Variants in NRXN1 observed in about 807,000 individuals in gnomAD.
NRXN1 encodes the protein neurexin-1.
NRXN1 carries 39 observed loss-of-function variants against 150.9 expected under a neutral mutation model. The ratio of observed to expected loss-of-function variants is 0.26; its 90% CI spans 0.20 to 0.34. NRXN1 has a LOEUF of 0.34. NRXN1 is among the 10% of genes least tolerant of loss of function. NRXN1 has a pLI of 1.00. For missense variants in NRXN1, 1,815 were observed against 1,949.9 expected (o/e 0.93, Z 1.30); for synonymous variants, 924 against 757.0 (o/e 1.22, Z -3.62).
chr2:50,409,870 T>C (rs890268300), intron 17 of NRXN1, among the ~76,000 whole-genome samples: 3 of 152,194 alleles, frequency 2.0e-5, no homozygotes, highest in African/African-American at 4.8e-5. Context: ...GTAACTGATT[T>C]TATTATACTC....
chr2:50,776,122 T>G (rs1308790727), intron 5 of NRXN1, among the ~76,000 whole-genome samples: 1 of 152,126 alleles, frequency 6.6e-6, no homozygotes, highest in Non-Finnish European at 1.5e-5. Context: ...CCTTCACATT[T>G]CAGCTTGTGT....
chr2:50,980,556 G>A (rs976036209), intron 2 of NRXN1, among the ~76,000 whole-genome samples: 1 of 152,062 alleles, frequency 6.6e-6, no homozygotes, highest in Non-Finnish European at 1.5e-5. Flanking sequence ...GATAGTTTAT[G>A]AAGGTAATAA....
chr2:51,008,744 T>A (rs777502559), intron 2 of NRXN1, among the ~76,000 whole-genome samples: 15 of 151,610 alleles, frequency 9.9e-5, no homozygotes, highest in Non-Finnish European at 1.9e-4. Context: ...TAAATATAAA[T>A]TTATAATTTA....
chr2:50,296,968 C>T (rs1042405252), intron 17 of NRXN1, among the ~76,000 whole-genome samples: 11 of 150,738 alleles, frequency 7.3e-5, no homozygotes, highest in South Asian at 2.1e-4. Context: ...CTGCAACCTC[C>T]GTCTCCCGGG....
rs1051034395 is a variant in NRXN1, at chr2:50,953,063, G to A, written c.773-27108C>T. 2.6e-5 allele frequency among the ~76,000 whole-genome samples: 4 copies of A among 152,166 alleles called. No homozygotes were observed. The East Asian group carries it at 5.8e-4, about 22-fold the overall frequency. ...GTCACCCTGGCAAGAAAGGGCAGGT[G>A]AATGGGAGACTGAATGGGAGATTTA... On this transcript the variant is annotated intron_variant, in intron 2 of 22. Transcript: ENST00000401669.
chr2:50,992,747 T>A (rs933883468), intron 2 of NRXN1, among the ~76,000 whole-genome samples: 1 of 152,022 alleles, frequency 6.6e-6, no homozygotes, highest in African/African-American at 2.4e-5. Context: ...TCACTCTTTT[T>A]TTCACATGGC....
At chr2:50,103,401 T>G (rs908463443) in intron 18 of NRXN1, among the ~76,000 whole-genome samples, 4 of 152,020 alleles carry the variant, frequency 2.6e-5, no homozygotes, top group Non-Finnish European at 4.4e-5. Flanking sequence ...CTTAAATTGG[T>G]AGAAGAATGC....
intron 22 of NRXN1, among the ~76,000 whole-genome samples, chr2:49,926,693 A>G (rs955839928): frequency 1.3e-5 from 2 of 152,234 alleles, no homozygotes; most frequent in Non-Finnish European, 2.9e-5. Context: ...TCTTTTGCTG[A>G]GATAGTTATT....
intron 15 of NRXN1, 65 bp downstream of exon 15, chr2:50,495,840 G>C: frequency 7.1e-7 from 1 of 1,418,016 alleles, no homozygotes; most frequent in Non-Finnish European, 9.5e-7. Context: ...CTAAGCAAAG[G>C]ATTTTCCATG....
At chr2:51,002,505 A>C (rs2105103519) in intron 2 of NRXN1, among the ~76,000 whole-genome samples, 1 of 152,114 alleles carries the variant, frequency 6.6e-6, no homozygotes, top group Non-Finnish European at 1.5e-5. Flanking sequence ...GAATTTGTTA[A>C]AATGACTTTC....
intron 5 of NRXN1, among the ~76,000 whole-genome samples, chr2:50,824,610 CAAAT>C (rs1466959097): frequency 6.6e-6 from 1 of 152,052 alleles, no homozygotes; most frequent in African/African-American, 2.4e-5. Context: ...AAGGGCTAAA[CAAAT>C]AAATACGTTG....
intron 21 of NRXN1, among the ~76,000 whole-genome samples, chr2:49,991,639 T>C (rs2152521111): frequency 6.6e-6 from 1 of 152,300 alleles, no homozygotes; most frequent in Admixed American, 6.5e-5. Flanking sequence ...TCCATGTTCA[T>C]TATTATTGTC....
intron 18 of NRXN1, among the ~76,000 whole-genome samples, chr2:50,233,435 A>G (rs543447465): frequency 6.6e-6 from 1 of 152,208 alleles, no homozygotes; most frequent in Non-Finnish European, 1.5e-5. Flanking sequence ...GAAAAATTGG[A>G]TGACAAACCA....
At chr2:50,767,332 T>C (rs1702492874) in intron 5 of NRXN1, among the ~76,000 whole-genome samples, 1 of 152,112 alleles carries the variant, frequency 6.6e-6, no homozygotes, top group Non-Finnish European at 1.5e-5. Flanking sequence ...ATAAGTTGTA[T>C]ATTTTCTCCC....
intron 17 of NRXN1, among the ~76,000 whole-genome samples, chr2:50,308,512 A>AT (rs1181040548): frequency 6.6e-6 from 1 of 151,294 alleles, no homozygotes; most frequent in East Asian, 1.9e-4. Flanking sequence ...TTTTTTTTTA[A>AT]TTTTTTATTT....
intron 18 of NRXN1, among the ~76,000 whole-genome samples, chr2:50,148,274 G>T (rs552531360): frequency 6.6e-6 from 1 of 151,586 alleles, no homozygotes; most frequent in African/African-American, 2.4e-5. Flanking sequence ...TTGATTACAT[G>T]ACTAGCAAGT....
At position 50,768,534 on chromosome 2, in the gene NRXN1, T is replaced by A. The variant is rs1018413137; in HGVS notation, c.833-144919A>T. On this transcript the variant is annotated intron_variant, in intron 5 of 22. Coordinates refer to ENST00000401669, the MANE Select transcript of NRXN1 (RefSeq NM_001330078.2). ...GTTGCAGAGGCTGGTCCTGAACTCC[T>A]GAGCTCAAGTGATCTGCCCATGTCG... 2.0e-5 allele frequency among the ~76,000 whole-genome samples: 3 copies of A among 151,856 alleles called. 1 individual carries two copies. The highest frequency in any genetic ancestry group is 4.4e-5 in the Non-Finnish European group (3 of 67,962).
At chr2:50,795,576 T>TCC (rs1706702468) in intron 5 of NRXN1, among the ~76,000 whole-genome samples, 3 of 151,512 alleles carry the variant, frequency 2.0e-5, no homozygotes. Context: ...CCTTCCTCAC[T>TCC]CCCCAATTCC....
intron 5 of NRXN1, among the ~76,000 whole-genome samples, chr2:50,760,191 G>A (rs182168678): frequency 1.1e-4 from 17 of 151,994 alleles, no homozygotes; most frequent in African/African-American, 3.9e-4. Context: ...TCCACTGGGA[G>A]CTTGGAAAAC....
Sources: gnomAD v4.1 joint callset for allele counts (sites outside exome capture counted in the v4.1 genomes callset) on GRCh38, gnomAD v4.1.1 for gene constraint, MANE v1.5 for transcripts, NCBI Gene and HGNC (gene_info 2026-07-23, HGNC 2026-07-21) for gene names.